ZFHX3: variants seen among roughly 807,000 people sequenced by gnomAD.
ZFHX3 encodes the protein zinc finger homeobox 3.
A neutral mutation model predicts 279.1 loss-of-function variants in ZFHX3; 42 were observed. That is an observed-to-expected ratio of 0.15 (90% confidence interval 0.12 to 0.19). The LOEUF is 0.19. ZFHX3 is among the 10% of genes least tolerant of loss of function. The pLI is 1.00. For missense variants in ZFHX3, 4,981 were observed against 4,754.0 expected (o/e 1.05, Z -1.40); for synonymous variants, 2,293 against 1,957.8 (o/e 1.17, Z -4.52).
At chr16:73,225,391 G>A (rs1050955753) in intron 5 of ZFHX3, among the ~76,000 whole-genome samples, 3 of 152,064 alleles carry the variant, frequency 2.0e-5, no homozygotes, top group African/African-American at 7.2e-5. Context: ...CGAGGTGAGA[G>A]GAATGCTTGA....
At chr16:73,597,544 C>A (rs938560347) in intron 2 of ZFHX3, among the ~76,000 whole-genome samples, 14 of 152,092 alleles carry the variant, frequency 9.2e-5, no homozygotes, top group African/African-American at 3.4e-4. Context: ...TAAGGGTTGG[C>A]CCTAGATACA....
At chr16:73,006,379 T>G (rs1963701532) in intron 1 of ZFHX3, among the ~76,000 whole-genome samples, 1 of 152,148 alleles carries the variant, frequency 6.6e-6, no homozygotes, top group South Asian at 2.1e-4. Flanking sequence ...TCCCAGAATT[T>G]TGGGAGGCCA....
rs1313568871 is a variant in ZFHX3, at chr16:72,966,494, A to G, written c.-49-6300T>C. On this transcript the variant is annotated intron_variant, in intron 1 of 9. Coordinates refer to ENST00000268489, the MANE Select transcript of ZFHX3 (RefSeq NM_006885.4). Reference sequence around the variant, plus strand: ...GTTGGCATGGTGGCCAAAGACCATAATGGGGCCTTTGGCAACAGTACTACT... The same window carrying G: ...GTTGGCATGGTGGCCAAAGACCATAGTGGGGCCTTTGGCAACAGTACTACT... Among the ~76,000 whole-genome samples, 3 of 152,216 alleles carry G rather than the reference A, an allele frequency of 2.0e-5. No individual in the cohort carries two copies. The East Asian group carries it at 5.8e-4, about 29-fold the overall frequency.
chr16:73,455,414 T>A (rs929238975), intron 3 of ZFHX3, among the ~76,000 whole-genome samples: 1 of 152,114 alleles, frequency 6.6e-6, no homozygotes, highest in Admixed American at 6.5e-5. Context: ...AAATGGAACA[T>A]ACATGATGGT....
rs141217870 is a variant in ZFHX3, at chr16:73,720,129, A to T, written c.-1607-39889T>A. Among the ~76,000 whole-genome samples, 233 of 152,338 alleles carry T rather than the reference A, an allele frequency of 1.5e-3. 1 individual carries two copies. Among genetic ancestry groups the T allele is most frequent in the East Asian group, 2.5e-3 (13 of 5,188 alleles). ...ATGGAAAATAAGGCAAAATTATAGC[A>T]ATTTCTTTTTAACACACTGGCAAAG... On this transcript the variant is annotated intron_variant, in intron 1 of 17. Transcript: ENST00000641206.
intron 1 of ZFHX3, among the ~76,000 whole-genome samples, chr16:73,003,833 G>C (rs974041298): frequency 1.3e-5 from 2 of 151,168 alleles, no homozygotes; most frequent in African/African-American, 4.9e-5. Context: ...TTCACGGGGG[G>C]AAAAGCTACA....
At chr16:73,558,982 T>G (rs1410995023) in intron 2 of ZFHX3, among the ~76,000 whole-genome samples, 1 of 152,052 alleles carries the variant, frequency 6.6e-6, no homozygotes, top group Non-Finnish European at 1.5e-5. Context: ...CCCAAAGTGC[T>G]AGGATTACAG....
intron 3 of ZFHX3, among the ~76,000 whole-genome samples, chr16:72,907,971 C>T (rs1043087846): frequency 6.6e-6 from 1 of 152,114 alleles, no homozygotes; most frequent in Non-Finnish European, 1.5e-5. Flanking sequence ...GCATTAGCCA[C>T]CGTGCCCAGC....
At chr16:73,105,410 C>CACACACACACATATATATATATAT (rs1200521848) in intron 7 of ZFHX3, among the ~76,000 whole-genome samples, 9,536 of 116,040 alleles carry the variant, frequency 0.082, 1,296 homozygotes, top group Middle Eastern at 0.2. Context: ...TATATATATA[C>CACACACACACATATATATATATAT]ACACACACAT....
At chr16:73,187,144 T>TCTCACACA (rs1555503407) in intron 5 of ZFHX3, among the ~76,000 whole-genome samples, 3 of 146,986 alleles carry the variant, frequency 2.0e-5, no homozygotes, top group South Asian at 2.2e-4. Context: ...GTTGTATGTC[T>TCTCACACA]CACACACACA....
chr16:72,916,193 T>C (rs1305693667), intron 3 of ZFHX3, among the ~76,000 whole-genome samples: 1 of 152,216 alleles, frequency 6.6e-6, no homozygotes, highest in Non-Finnish European at 1.5e-5. Context: ...CCTCCGCCTT[T>C]CTTTTTCTCA....
In ZFHX3 at chr16:73,634,029, C is replaced by T. The variant is rs369113645; in HGVS notation, c.-1547+46151G>A. On this transcript the variant is annotated intron_variant, in intron 2 of 17. Transcript: ENST00000641206. ...ATAATTATAATACATCTAAGAGCAA[C>T]TATTAAATGACTGAAATAATATTCT... 2.4e-4 allele frequency among the ~76,000 whole-genome samples: 37 copies of T among 152,110 alleles called. 2 individuals carry two copies. In the South Asian group the frequency reaches 7.7e-3, roughly 32 times the overall value.
chr16:73,377,687 T>TG lies in ZFHX3; in HGVS notation c.-1290-59352dup, dbSNP rs796693089. ...CCTTAACATTTAAGTGACTCCTTTG[T>TG]GTTTTTTTTTTCCTATTATAAACAA... On this transcript the variant is annotated intron_variant, in intron 3 of 17. Transcript: ENST00000641206. Among the ~76,000 whole-genome samples, 39 of 108,826 alleles carry TG rather than the reference T, an allele frequency of 3.6e-4. 1 individual carries two copies. The highest frequency in any genetic ancestry group is 1.3e-3 in the African/African-American group (38 of 29,156). 71.4% of individuals were successfully genotyped at this position (108,826 alleles called of 152,430 possible). A position where few individuals can be genotyped will look rare whatever the true frequency, so the allele number is the denominator to read the frequency against.
At chr16:73,636,186 C>T (rs1597039594) in intron 2 of ZFHX3, among the ~76,000 whole-genome samples, 1 of 152,146 alleles carries the variant, frequency 6.6e-6, no homozygotes, top group East Asian at 1.9e-4. Flanking sequence ...AACTTGACGT[C>T]TCCAACTGTG....
At chr16:73,665,637 A>T (rs2052830787) in intron 2 of ZFHX3, among the ~76,000 whole-genome samples, 1 of 151,754 alleles carries the variant, frequency 6.6e-6, no homozygotes, top group African/African-American at 2.4e-5. Flanking sequence ...GACCTAAGAA[A>T]ATGAACAAAT....
Position 72,950,736 on chromosome 16 carries a change from T to G in ZFHX3, c.2949A>C (p.Ser983=). 1 of 1,614,228 alleles carries G rather than the reference T, an allele frequency of 6.2e-7. No individual in the cohort carries two copies. ...TGTAGCGGCAGAGCTTGCACTGGTA[T>G]GAGTCCCCCATCACCGCCTTCCACT... The part of the protein sequence containing the change: ...EDEWKAVMGD[S]YQCKLCRYNT... The change falls in exon 3 of 10, where the codon TCA becomes TCC. Residue 983 remains serine, a synonymous_variant. Transcript: ENST00000268489.
intron 2 of ZFHX3, among the ~76,000 whole-genome samples, chr16:73,626,117 A>G (rs1256571785): frequency 6.6e-6 from 1 of 152,114 alleles, no homozygotes; most frequent in East Asian, 1.9e-4. Context: ...CGGCCTCCCA[A>G]AGTGCTGGGA....
chr16:73,213,773 T>C (rs1195162743), intron 5 of ZFHX3, among the ~76,000 whole-genome samples: 1 of 152,200 alleles, frequency 6.6e-6, no homozygotes. Flanking sequence ...TCTGGCTTTC[T>C]CCTTTATGGG....
At chr16:73,065,801 T>C (rs968609011) in intron 8 of ZFHX3, among the ~76,000 whole-genome samples, 34 of 152,026 alleles carry the variant, frequency 2.2e-4, no homozygotes, top group Non-Finnish European at 8.8e-5. Context: ...CAAATAAAGT[T>C]GAAAAAAAAT....
Sources: gnomAD v4.1 joint callset for allele counts (sites outside exome capture counted in the v4.1 genomes callset) on GRCh38, gnomAD v4.1.1 for gene constraint, MANE v1.5 for transcripts, NCBI Gene and HGNC (gene_info 2026-07-23, HGNC 2026-07-21) for gene names.